Variants in BBS1 observed in about 807,000 individuals in gnomAD.
BBS1 encodes Bardet-Biedl syndrome 1, also known as BBSome complex member BBS1.
Under a neutral mutation model 73.9 loss-of-function variants are expected in BBS1, and 60 were observed. That is an observed-to-expected ratio of 0.81 (90% CI 0.66 to 1.01). BBS1 has a LOEUF of 1.01. Ranked by LOEUF, BBS1 falls within the 50% of genes least tolerant of loss-of-function variation. BBS1 has a pLI of 0.00. For missense variants in BBS1, 718 were observed against 770.3 expected (o/e 0.93, Z 0.80); for synonymous variants, 283 against 317.4 (o/e 0.89, Z 1.15).
At position 66,523,882 on chromosome 11, in the gene BBS1, G is replaced by A. The variant is rs183771956; in HGVS notation, c.1110G>A (p.Pro370=). ...DKALLNVIHT[P]DAVTSLCFGR... ...CCCTGCTCAATGTCATCCACACCCCGGTGAGCCCCATCTCCGGCATCTGCC... is the reference window on the plus strand; with the variant it reads ...CCCTGCTCAATGTCATCCACACCCCAGTGAGCCCCATCTCCGGCATCTGCC... The change falls in exon 11 of 17, where the codon CCG becomes CCA. Residue 370 remains proline, a splice_region_variant and synonymous_variant. Coordinates refer to ENST00000318312, the MANE Select transcript of BBS1 (RefSeq NM_024649.5). 15 of 1,612,874 alleles carry A rather than the reference G, an allele frequency of 9.3e-6. No individual in the cohort carries two copies. The highest frequency in any genetic ancestry group is 2.7e-5 in the African/African-American group (2 of 75,056).
chr11:66,512,032 GTATATATATGTA>G (rs1317291559), intron 3 of BBS1, among the ~76,000 whole-genome samples: 10 of 144,170 alleles, frequency 6.9e-5, no homozygotes, highest in South Asian at 6.5e-4. Flanking sequence ...GTATATATAT[GTATATATATGTA>G]TATATATGTG....
At chr11:66,525,218 G>A (rs1359442028) in intron 11 of BBS1, among the ~76,000 whole-genome samples, 3 of 139,922 alleles carry the variant, frequency 2.1e-5, no homozygotes, top group Non-Finnish European at 3.0e-5. Flanking sequence ...AAAAAAAGCC[G>A]GGTGTGATGG....
At chr11:66,515,438 A>G (rs1856028089) in intron 4 of BBS1, 102 bp from the exon 5 acceptor site, 1 of 1,299,750 alleles carries the variant, frequency 7.7e-7, no homozygotes, top group South Asian at 1.2e-5. Flanking sequence ...AGGGAGGCAG[A>G]GACCAAGAGG....
intron 11 of BBS1, chr11:66,524,150 C>T (rs192735449): frequency 3.6e-4 from 163 of 456,476 alleles, no homozygotes; most frequent in Middle Eastern, 2.0e-3. Context: ...CATGGTGGTG[C>T]GTACCTGTAA....
chr11:66,531,820 C>T, intron 16 of BBS1, 78 bp downstream of exon 16: 1 of 1,611,534 alleles, frequency 6.2e-7, no homozygotes, highest in Non-Finnish European at 8.5e-7. Context: ...CAACAAAGAC[C>T]TTAGGGGGCT....
intron 11 of BBS1, 25 bp from the exon 12 acceptor site, chr11:66,526,098 A>C: frequency 6.2e-7 from 1 of 1,613,510 alleles, no homozygotes. Flanking sequence ...TATTTCCCCA[A>C]CTAAACTCTG....
chr11:66,524,958 T>A (rs1207649077), intron 11 of BBS1, among the ~76,000 whole-genome samples: 2 of 152,054 alleles, frequency 1.3e-5, no homozygotes, highest in Non-Finnish European at 2.9e-5. Context: ...CCCAGCACTT[T>A]GGGAGGCCGA....
rs1855918672 is a variant in BBS1 at position 66,510,670 on chromosome 11, C to T, written c.11C>T (p.Ala4Val). 4 of 1,614,150 alleles carry T rather than the reference C, an allele frequency of 2.5e-6. No homozygotes were observed. The highest frequency in any genetic ancestry group is 1.6e-4 in the Middle Eastern group (1 of 6,062). The change falls in exon 1 of 17, where the codon GCG (alanine) becomes GTG (valine). Residue 4 changes from alanine to valine, a missense_variant. Ala to Val is a moderately conservative substitution (Grantham distance 64). Transcript: ENST00000318312. MAA[A>V]SSSDSDACGA... ...ACGACGCCTGCGAAGATGGCCGCTG[C>T]GTCCTCATCGGATTCCGACGCCTGC...
At chr11:66,520,275 A>ATTTTC (rs1856163806) in intron 8 of BBS1, 1 of 156,570 alleles carries the variant, frequency 6.4e-6, no homozygotes, top group South Asian at 1.9e-4. Context: ...TCAGCCTTTT[A>ATTTTC]TTTTCTTTTG....
At chr11:66,530,241 A>C (rs1448107858) in intron 14 of BBS1, among the ~76,000 whole-genome samples, 1 of 152,106 alleles carries the variant, frequency 6.6e-6, no homozygotes, top group Non-Finnish European at 1.5e-5. Context: ...ATTTCTTCCC[A>C]AGAACCTGAA....
intron 9 of BBS1, chr11:66,523,072 C>A: frequency 2.2e-6 from 1 of 454,052 alleles, no homozygotes; most frequent in Non-Finnish European, 4.4e-6. Context: ...TGACACAGGG[C>A]AAAGCTCTTC....
At chr11:66,510,822 A>G (rs1163151192) in intron 1 of BBS1, 116 bp downstream of exon 1, 8 of 1,493,060 alleles carry the variant, frequency 5.4e-6, no homozygotes, top group Non-Finnish European at 6.5e-6. Flanking sequence ...TTAAGAGGTC[A>G]GATAGGGAAA....
At chr11:66,529,631 C>A in intron 13 of BBS1, 188 bp from the exon 14 acceptor site, 1 of 737,226 alleles carries the variant, frequency 1.4e-6, no homozygotes, top group South Asian at 1.6e-5. Flanking sequence ...AGAGGCAGGG[C>A]GAGGCCACGG....
chr11:66,531,124 G>A lies in BBS1; in HGVS notation c.1608+96G>A, dbSNP rs540746418. ...AGCCCCGCCAGGTCAGGGTCAGAGC[G>A]TGCGGGTGGCTGCCAGGTGGCCAGC... On this transcript the variant is annotated intron_variant, in intron 15 of 16. Transcript: ENST00000318312. 37 of 1,527,170 alleles carry A rather than the reference G, an allele frequency of 2.4e-5. 1 individual carries two copies. Among genetic ancestry groups the A allele is most frequent in the African/African-American group, 1.9e-4 (14 of 72,968 alleles). 94.6% of individuals were successfully genotyped at this position (1,527,170 alleles called of 1,614,324 possible).
intron 8 of BBS1, 56 bp from the exon 9 acceptor site, chr11:66,521,214 G>C: frequency 7.5e-7 from 1 of 1,336,390 alleles, no homozygotes; most frequent in Admixed American, 1.7e-5. Context: ...TACTGACAGG[G>C]CAGGGAGGGA....
Position 66,532,888 on chromosome 11 carries a change from G to A in BBS1, c.*851G>A, listed in dbSNP as rs1356319965. The A allele has an allele frequency of 6.6e-6, 1 of 152,390 alleles. No homozygotes were observed. Among genetic ancestry groups the A allele is most frequent in the East Asian group, 1.9e-4 (1 of 5,182 alleles). 9.4% of individuals were successfully genotyped at this position (152,390 alleles called of 1,614,324 possible). A position where few individuals can be genotyped will look rare whatever the true frequency, so the allele number is the denominator to read the frequency against. On this transcript the variant is annotated 3_prime_UTR_variant, in exon 17 of 17. Coordinates refer to ENST00000318312, the MANE Select transcript of BBS1 (RefSeq NM_024649.5). ...TTCTGGGGCTCCAGAGAAGTGCCAC[G>A]GGAGGCAGAAGTCCAGAACTGCCCA...
rs751978471 is a variant in BBS1, at chr11:66,523,521, A to G, written c.896A>G (p.His299Arg). 1.9e-5 allele frequency: 31 copies of G among 1,614,034 alleles called. No individual in the cohort carries two copies. The highest frequency in any genetic ancestry group is 1.9e-5 in the Non-Finnish European group (23 of 1,180,026). Residue 299 changes from histidine (H) to arginine (R), a missense_variant, in exon 10 of 17, where the codon CAC becomes CGC. Physicochemically the swap from His to Arg is conservative, Grantham distance 29. Transcript: ENST00000318312. ...CAGCCTGTGGGACTTATCCGGGTAC[A>G]CAAGGTCCTAGTGGTGGGCAGCACC... is the stretch of plus-strand genomic sequence containing the variant. ...SAQPVGLIRV[H>R]KVLVVGSTQD...
rs775698989 is a variant in BBS1 at position 66,530,964 on chromosome 11, T to A, written c.1544T>A (p.Leu515Gln). ...AACACCTCAACAACCCGTCCTGTCCTGGGGCTGCTGGTCTGCTTCCTGTAC... is the reference window on the plus strand; with the variant it reads ...AACACCTCAACAACCCGTCCTGTCCAGGGGCTGCTGGTCTGCTTCCTGTAC... Reference protein sequence around the residue: ...LQNTSTTRPVLGLLVCFLYNE... With the variant: ...LQNTSTTRPVQGLLVCFLYNE... The change falls in exon 15 of 17, where the codon CTG becomes CAG. Residue 515 changes from leucine (L) to glutamine (Q), a missense_variant. Physicochemically the swap from Leu to Gln is moderately radical, Grantham distance 113. Transcript: ENST00000318312. 3.1e-6 allele frequency: 5 copies of A among 1,614,110 alleles called. No individual in the cohort carries two copies. The highest frequency in any genetic ancestry group is 4.2e-6 in the Non-Finnish European group (5 of 1,180,042).
chr11:66,530,833 C>A, intron 14 of BBS1, 61 bp from the exon 15 acceptor site: 1 of 1,610,092 alleles, frequency 6.2e-7, no homozygotes, highest in Non-Finnish European at 8.5e-7. Context: ...GCAGAGCACA[C>A]TGTACTCCGT....
Sources: gnomAD v4.1 joint callset for allele counts (sites outside exome capture counted in the v4.1 genomes callset) on GRCh38, gnomAD v4.1.1 for gene constraint, MANE v1.5 for transcripts, NCBI Gene and HGNC (gene_info 2026-07-23, HGNC 2026-07-21) for gene names.